Variants in LINGO2 observed in about 807,000 individuals in gnomAD.
LINGO2 encodes leucine-rich repeat and immunoglobulin-like domain-containing nogo receptor-interacting protein 2.
Under a neutral mutation model 30.6 loss-of-function variants are expected in LINGO2, and 14 were observed. The observed-to-expected ratio is 0.46, with a 90% CI of 0.30 to 0.72. LINGO2 has a LOEUF of 0.72. Among genes scored for constraint, LINGO2 ranks in the 30% least tolerant of loss-of-function variants. The pLI is 0.07. For missense variants in LINGO2, 729 were observed against 751.7 expected (o/e 0.97, Z 0.35); for synonymous variants, 317 against 288.5 (o/e 1.10, Z -1.00).
intron 3 of LINGO2, among the ~76,000 whole-genome samples, chr9:28,325,618 T>C (rs1349110359): frequency 2.0e-5 from 3 of 152,164 alleles, no homozygotes; most frequent in Non-Finnish European, 4.4e-5. Flanking sequence ...GGGATTTCCC[T>C]TTTCACTTGG....
intron 1 of LINGO2, among the ~76,000 whole-genome samples, chr9:28,662,729 A>T (rs577139356): frequency 6.6e-6 from 1 of 152,292 alleles, no homozygotes; most frequent in African/African-American, 2.4e-5. Flanking sequence ...TTATGTAAAT[A>T]TTGCAAAGTA....
At chr9:29,147,251 G>A in the LINGO2 span, among the ~76,000 whole-genome samples, 2 of 152,102 alleles carry the variant, frequency 1.3e-5, no homozygotes, top group Non-Finnish European at 2.9e-5. Flanking sequence ...AAAGCAACCT[G>A]TGAGACCTTT....
chr9:28,828,940 A>G, the LINGO2 span, among the ~76,000 whole-genome samples: 1 of 152,116 alleles, frequency 6.6e-6, no homozygotes, highest in East Asian at 1.9e-4. Flanking sequence ...GTCCCCAGAG[A>G]AGGCCCCACC....
intron 4 of LINGO2, among the ~76,000 whole-genome samples, chr9:28,052,924 A>T (rs866807633): frequency 6.6e-6 from 1 of 152,124 alleles, no homozygotes; most frequent in Middle Eastern, 3.4e-3. Context: ...TACAAGTAAA[A>T]ATCTGTATTC....
the LINGO2 span, among the ~76,000 whole-genome samples, chr9:29,210,002 G>C: frequency 6.6e-6 from 1 of 152,034 alleles, no homozygotes. Flanking sequence ...AGAATATCTA[G>C]AGACCAAACG....
At chr9:28,719,512 A>ATAGAAG in the LINGO2 span, among the ~76,000 whole-genome samples, 2 of 151,936 alleles carry the variant, frequency 1.3e-5, no homozygotes, top group Non-Finnish European at 2.9e-5. Context: ...TCCTCATCCT[A>ATAGAAG]TTTGACTTCT....
At chr9:28,947,685 T>A in the LINGO2 span, among the ~76,000 whole-genome samples, 6 of 151,512 alleles carry the variant, frequency 4.0e-5, no homozygotes, top group Admixed American at 2.6e-4. Context: ...AGAAAACCCA[T>A]ACACACACAC....
chr9:28,968,460 T>C, the LINGO2 span, among the ~76,000 whole-genome samples: 4 of 152,276 alleles, frequency 2.6e-5, no homozygotes, highest in East Asian at 7.7e-4. Flanking sequence ...AATCTCATTG[T>C]AATGAAATTA....
chr9:28,968,552 T>C, the LINGO2 span, among the ~76,000 whole-genome samples: 1 of 152,170 alleles, frequency 6.6e-6, no homozygotes, highest in Admixed American at 6.6e-5. Flanking sequence ...ACTTCACTTT[T>C]GTACTTCAAA....
At chr9:28,142,487 A>G (rs1434565475) in intron 4 of LINGO2, among the ~76,000 whole-genome samples, 1 of 152,156 alleles carries the variant, frequency 6.6e-6, no homozygotes, top group Admixed American at 6.5e-5. Context: ...TAAATAACAT[A>G]TTTCATGTCC....
rs754919161 is a variant in LINGO2, at chr9:28,329,038, C to T, written c.-245-33672G>A. Among the ~76,000 whole-genome samples, 33 of 152,210 alleles carry T rather than the reference C, an allele frequency of 2.2e-4. No homozygotes were observed. The highest frequency in any genetic ancestry group is 7.7e-4 in the East Asian group (4 of 5,184). The stretch of plus-strand genomic sequence containing the variant: ...CTCAGGTTCTCACCCCATCCGTATA[C>T]GAGCTAGGCCTTATCCCTTACAAGA... On this transcript the variant is annotated intron_variant, in intron 3 of 5. Transcript: ENST00000379992. The surrounding 1 kb of genome is among the most constrained non-coding windows in gnomAD (Gnocchi z 4.5).
chr9:28,710,806 A>T, the LINGO2 span, among the ~76,000 whole-genome samples: 4 of 152,154 alleles, frequency 2.6e-5, no homozygotes, highest in Admixed American at 2.0e-4. Context: ...CATTAGATTT[A>T]AAAAAATATC....
intron 3 of LINGO2, among the ~76,000 whole-genome samples, chr9:28,304,596 T>A (rs1824272603): frequency 6.6e-6 from 1 of 152,050 alleles, no homozygotes; most frequent in African/African-American, 2.4e-5. Flanking sequence ...TTTAAAAGAT[T>A]TGTTTCACCT....
At chr9:28,227,737 G>C (rs1460153957) in intron 4 of LINGO2, among the ~76,000 whole-genome samples, 1 of 152,012 alleles carries the variant, frequency 6.6e-6, no homozygotes, top group South Asian at 2.1e-4. Context: ...CCACCAGAGG[G>C]CTTTTGCTTT....
At chr9:28,890,216 TTTTGTTTTG>T in the LINGO2 span, among the ~76,000 whole-genome samples, 1 of 151,794 alleles carries the variant, frequency 6.6e-6, no homozygotes, top group African/African-American at 2.4e-5. Context: ...TTTTGTTTTG[TTTTGTTTTG>T]TTTTTGTGGG....
intron 1 of LINGO2, among the ~76,000 whole-genome samples, chr9:28,580,728 A>T (rs1824220295): frequency 6.6e-6 from 1 of 151,986 alleles, no homozygotes; most frequent in African/African-American, 2.4e-5. Context: ...AGGATACAGG[A>T]TAAGATATAT....
At chr9:28,879,478 C>T in the LINGO2 span, among the ~76,000 whole-genome samples, 1 of 152,170 alleles carries the variant, frequency 6.6e-6, no homozygotes, top group African/African-American at 2.4e-5. Flanking sequence ...GCTATATTAA[C>T]AATCTTTTCC....
At chr9:28,394,152 A>T (rs1462636921) in intron 2 of LINGO2, among the ~76,000 whole-genome samples, 1 of 152,222 alleles carries the variant, frequency 6.6e-6, no homozygotes, top group East Asian at 1.9e-4. Flanking sequence ...GTAGCCAGTC[A>T]GTGCTCATAG....
At chr9:28,308,562 A>C (rs1824469136) in intron 3 of LINGO2, among the ~76,000 whole-genome samples, 1 of 146,522 alleles carries the variant, frequency 6.8e-6, no homozygotes. Flanking sequence ...AATGGCAACA[A>C]AAGCCAAAAT....
Sources: gnomAD v4.1 joint callset for allele counts (sites outside exome capture counted in the v4.1 genomes callset) on GRCh38, gnomAD v4.1.1 for gene constraint, Gnocchi (gnomAD v3.1) non-coding constraint, MANE v1.5 for transcripts, NCBI Gene and HGNC (gene_info 2026-07-23, HGNC 2026-07-21) for gene names.